The following SLC12A3 variants were observed in gnomAD, a reference collection of about 807,000 sequenced individuals.
SLC12A3 encodes Na-Cl cotransporter.
SLC12A3 carries 104 observed loss-of-function variants against 121.0 expected under a neutral mutation model. The ratio of observed to expected loss-of-function variants is 0.86; its 90% CI spans 0.73 to 1.01. The LOEUF (loss-of-function observed/expected upper bound fraction) is 1.01, where lower values mean the gene tolerates loss of function less well. Among genes scored for constraint, SLC12A3 ranks in the 50% least tolerant of loss-of-function variants. The pLI is 0.00. For synonymous variants in SLC12A3, 536 were observed against 533.4 expected, an observed-to-expected ratio of 1.00 and a Z score of -0.07; for missense variants, 1,328 against 1,356.3, an observed-to-expected ratio of 0.98 and a Z score of 0.33.
Position 56,868,984 on chromosome 16 carries a change from A to AT in SLC12A3, c.505+612_505+613insT, listed in dbSNP as rs1383284002. Among the ~76,000 whole-genome samples, 9 of 109,680 alleles carry AT rather than the reference A, an allele frequency of 8.2e-5. No individual in the cohort carries two copies. The East Asian group carries it at 1.2e-3, about 15-fold the overall frequency. 72.0% of individuals were successfully genotyped at this position (109,680 alleles called of 152,430 possible). A position where few individuals can be genotyped will look rare whatever the true frequency, so the allele number is the denominator to read the frequency against. On this transcript the variant is annotated intron_variant, in intron 3 of 25. Coordinates refer to ENST00000563236, the MANE Select transcript of SLC12A3 (RefSeq NM_001126108.2). ...GTGAAACTCCATCTCAAAAAAAATA[A>AT]AAAATAAAAAAGAAAGCTGCATTCT... is the stretch of plus-strand genomic sequence containing the variant.
Position 56,885,056 on chromosome 16 carries a change from C to T in SLC12A3, c.1826-209C>T, listed in dbSNP as rs115115656. On this transcript the variant is annotated intron_variant, in intron 14 of 25. Coordinates refer to ENST00000563236, the MANE Select transcript of SLC12A3 (RefSeq NM_001126108.2). ...TGCTAGGATTACAGGTGTGAGCCAC[C>T]GTGCCTGGCCTTGATGTGTAACTTT... Among the ~76,000 whole-genome samples the T allele has an allele frequency of 7.1e-3, 1,084 of 152,284 alleles. 21 individuals carry two copies. Among genetic ancestry groups the T allele is most frequent in the African/African-American group, 0.025 (1,032 of 41,542 alleles).
At chr16:56,867,355 G>A (rs1423685750) in intron 2 of SLC12A3, 139 bp downstream of exon 2, 9 of 894,988 alleles carry the variant, frequency 1.0e-5, no homozygotes, top group South Asian at 8.5e-5. Flanking sequence ...TGAGTTAATA[G>A]ATCAATAGAC....
intron 21 of SLC12A3, among the ~76,000 whole-genome samples, chr16:56,893,844 G>A (rs1187478981): frequency 6.6e-6 from 1 of 151,902 alleles, no homozygotes; most frequent in East Asian, 1.9e-4. Flanking sequence ...GTGGCATGAT[G>A]TCGGCTCACT....
At chr16:56,867,903 T>C (rs1410490387) in intron 2 of SLC12A3, among the ~76,000 whole-genome samples, 1 of 152,202 alleles carries the variant, frequency 6.6e-6, no homozygotes, top group Non-Finnish European at 1.5e-5. Flanking sequence ...TATCTGCTCT[T>C]ACATGGGGCG....
At chr16:56,905,849 G>A (rs933398148) in intron 25 of SLC12A3, among the ~76,000 whole-genome samples, 7 of 152,206 alleles carry the variant, frequency 4.6e-5, no homozygotes, top group African/African-American at 1.7e-4. Flanking sequence ...AGATGATGAC[G>A]TGGGCATGAA....
chr16:56,889,989 G>C (rs771135514), intron 18 of SLC12A3, among the ~76,000 whole-genome samples: 2 of 152,220 alleles, frequency 1.3e-5, no homozygotes, highest in Non-Finnish European at 2.9e-5. Flanking sequence ...GCAGAGTTGA[G>C]TTGTGGGGGA....
intron 9 of SLC12A3, 150 bp downstream of exon 9, chr16:56,878,311 A>G (rs763354568): frequency 3.0e-6 from 2 of 666,422 alleles, no homozygotes; most frequent in Non-Finnish European, 5.4e-6. Flanking sequence ...TGGCGACCTT[A>G]GGATGTGAAG....
intron 22 of SLC12A3, 38 bp from the exon 23 acceptor site, chr16:56,899,491 GA>G: frequency 6.6e-7 from 1 of 1,517,246 alleles, no homozygotes; most frequent in East Asian, 2.3e-5. Flanking sequence ...GCTGTCTCAA[GA>G]AAAAGTAATA....
chr16:56,879,282 A>G, intron 10 of SLC12A3, 55 bp downstream of exon 10: 8 of 1,608,002 alleles, frequency 5.0e-6, no homozygotes, highest in Admixed American at 1.7e-5. Flanking sequence ...TGGAGGCTGC[A>G]GGGCCCCTTG....
At chr16:56,878,911 A>T (rs1234966296) in intron 9 of SLC12A3, among the ~76,000 whole-genome samples, 162 bp from the exon 10 acceptor site, 5 of 152,238 alleles carry the variant, frequency 3.3e-5, no homozygotes, top group African/African-American at 1.2e-4. Context: ...TAAAGTACTT[A>T]TCATGGCTCC....
intron 21 of SLC12A3, 24 bp downstream of exon 21, chr16:56,893,078 C>A (rs1241865057): frequency 6.3e-7 from 1 of 1,596,492 alleles, no homozygotes; most frequent in South Asian, 1.1e-5. Flanking sequence ...TTGGATCAGC[C>A]CTCCTGCCCG....
chr16:56,898,666 C>T (rs1000030183), intron 22 of SLC12A3, among the ~76,000 whole-genome samples: 10 of 152,142 alleles, frequency 6.6e-5, no homozygotes, highest in Admixed American at 3.3e-4. Flanking sequence ...CCAGCCAGAC[C>T]GCCACCTCTG....
intron 18 of SLC12A3, 21 bp downstream of exon 18, chr16:56,888,052 G>C (rs2055343176): frequency 2.5e-6 from 4 of 1,570,042 alleles, no homozygotes; most frequent in Non-Finnish European, 2.6e-6. Flanking sequence ...GGAGAGGAAG[G>C]GGCTTGGGGT....
intron 22 of SLC12A3, among the ~76,000 whole-genome samples, chr16:56,897,091 CA>C (rs55856347): frequency 8.3e-4 from 117 of 140,172 alleles, no homozygotes; most frequent in Admixed American, 1.1e-3. Flanking sequence ...GACTCCATCT[CA>C]AAAAAAAAAA....
chr16:56,871,392 A>G (rs1003664431), intron 6 of SLC12A3, among the ~76,000 whole-genome samples: 20 of 152,208 alleles, frequency 1.3e-4, no homozygotes, highest in African/African-American at 4.8e-4. Context: ...GCTGTCACAC[A>G]TGGCTGCGAG....
At chr16:56,902,908 G>A (rs2055558354) in intron 24 of SLC12A3, among the ~76,000 whole-genome samples, 1 of 152,176 alleles carries the variant, frequency 6.6e-6, no homozygotes, top group Non-Finnish European at 1.5e-5. Flanking sequence ...CACTTTGGGA[G>A]GCCGAGGCAG....
In SLC12A3 at chr16:56,882,406, C is replaced by T. The variant is rs145608606; in HGVS notation, c.1578C>T (p.Asn526=). The change falls in exon 13 of 26, where the codon AAC becomes AAT. Residue 526 remains asparagine, a synonymous_variant. Transcript: ENST00000563236. ...AVAFIIIAEL[N]TIAPIISNFF... ...CCTGGGTCCCCGAAGCTGAGCTCAA[C>T]ACCATAGCCCCCATCATTTCCAACT... is the stretch of plus-strand genomic sequence containing the variant. 1.4e-5 allele frequency: 23 copies of T among 1,613,912 alleles called. No individual in the cohort carries two copies. In the Middle Eastern group the frequency reaches 4.9e-4, roughly 35 times the overall value.
intron 10 of SLC12A3, 24 bp downstream of exon 10, chr16:56,879,251 C>T (rs1482049518): frequency 6.2e-7 from 1 of 1,613,410 alleles, no homozygotes; most frequent in East Asian, 2.2e-5. Flanking sequence ...AGCTGACCCA[C>T]CAGACACAGT....
rs1418679595 is a variant in SLC12A3 at position 56,914,120 on chromosome 16, G to C, written c.*715G>C. On this transcript the variant is annotated 3_prime_UTR_variant, in exon 26 of 26. Coordinates refer to ENST00000563236, the MANE Select transcript of SLC12A3 (RefSeq NM_001126108.2). The stretch of plus-strand genomic sequence containing the variant: ...GATGGGGTTTCACCATGTTGACCAG[G>C]CTGGTGTTGAGCTCCTGACCTCAGG... 4 of 152,240 alleles carry C rather than the reference G, an allele frequency of 2.6e-5. No individual in the cohort carries two copies. Among genetic ancestry groups the C allele is most frequent in the African/African-American group, 9.7e-5 (4 of 41,430 alleles). 9.4% of individuals were successfully genotyped at this position (152,240 alleles called of 1,614,324 possible).
Sources: gnomAD v4.1 joint callset for allele counts (sites outside exome capture counted in the v4.1 genomes callset) on GRCh38, gnomAD v4.1.1 for gene constraint, MANE v1.5 for transcripts, NCBI Gene and HGNC (gene_info 2026-07-23, HGNC 2026-07-21) for gene names.